Variants in RBMS2 observed in about 807,000 individuals in gnomAD.
RBMS2 encodes the protein RNA binding motif single stranded interacting protein 2, also known as RNA-binding motif, single-stranded-interacting protein 2.
Under a neutral mutation model 58.4 loss-of-function variants are expected in RBMS2, and 38 were observed. The observed-to-expected ratio is 0.65, with a 90% CI of 0.50 to 0.85. RBMS2 has a LOEUF of 0.85. Ranked by LOEUF, RBMS2 falls within the 40% of genes least tolerant of loss-of-function variation. RBMS2 has a pLI of 0.00. For missense variants in RBMS2, 367 were observed against 503.7 expected (o/e 0.73, Z 2.60); for synonymous variants, 151 against 180.7 (o/e 0.84, Z 1.32).
In RBMS2 at chr12:56,593,159, G is replaced by T. The variant is rs1349292082; in HGVS notation, c.*4026G>T. The T allele has an allele frequency of 6.6e-6, 1 of 150,948 alleles. No homozygotes were observed. The highest frequency in any genetic ancestry group is 1.5e-5 in the Non-Finnish European group (1 of 67,934). 9.4% of individuals were successfully genotyped at this position (150,948 alleles called of 1,614,324 possible). On this transcript the variant is annotated 3_prime_UTR_variant, in exon 14 of 14. Coordinates refer to ENST00000262031, the MANE Select transcript of RBMS2 (RefSeq NM_002898.4). ...TTTGGTTTTGTTGTTTTGTTTTTTT[G>T]AGACAGGGTCTCACTCTGTGGCCCA...
At chr12:56,580,250 T>TA (rs1883747037) in intron 5 of RBMS2, 1 of 386,582 alleles carries the variant, frequency 2.6e-6, no homozygotes, top group Non-Finnish European at 5.0e-6. Context: ...TTTTTTTTTT[T>TA]AACACAGATT....
intron 5 of RBMS2, among the ~76,000 whole-genome samples, chr12:56,579,462 C>T (rs1400202462): frequency 6.6e-6 from 1 of 151,978 alleles, no homozygotes; most frequent in African/African-American, 2.4e-5. Context: ...AACCCCGTCT[C>T]TACTAAAAAT....
At chr12:56,529,808 G>A (rs1044064258) in intron 1 of RBMS2, among the ~76,000 whole-genome samples, 2 of 152,156 alleles carry the variant, frequency 1.3e-5, no homozygotes, top group African/African-American at 4.8e-5. Flanking sequence ...TGGAGAAATA[G>A]GGAGTGACTG....
At chr12:56,569,158 C>A in intron 3 of RBMS2, 125 bp downstream of exon 3, 1 of 828,624 alleles carries the variant, frequency 1.2e-6, no homozygotes, top group Non-Finnish European at 1.9e-6. Context: ...AGTTTTTAGG[C>A]TTAAAAGATT....
In RBMS2 at chr12:56,595,321, G is replaced by A. The variant is rs902183038; in HGVS notation, c.*6188G>A. On this transcript the variant is annotated 3_prime_UTR_variant, in exon 14 of 14. Transcript: ENST00000262031. The stretch of plus-strand genomic sequence containing the variant: ...GGAGGGTAATACATATCCAGCGCGA[G>A]TGAAGTCCCCACTCCAACATATACC... 4.6e-5 allele frequency: 7 copies of A among 152,168 alleles called. No individual in the cohort carries two copies. The highest frequency in any genetic ancestry group is 1.7e-4 in the African/African-American group (7 of 41,432). 9.4% of individuals were successfully genotyped at this position (152,168 alleles called of 1,614,324 possible).
At chr12:56,571,944 A>G (rs1882360617) in intron 5 of RBMS2, 89 bp downstream of exon 5, 2 of 1,252,064 alleles carry the variant, frequency 1.6e-6, no homozygotes, top group Admixed American at 3.6e-5. Context: ...CCTTTCCCAC[A>G]CAAGGTCAAA....
intron 9 of RBMS2, among the ~76,000 whole-genome samples, chr12:56,584,480 T>C (rs1176099643): frequency 6.6e-6 from 1 of 151,972 alleles, no homozygotes; most frequent in African/African-American, 2.4e-5. Context: ...AAATTTGTCT[T>C]TTTCTTTTAT....
chr12:56,550,558 A>G (rs1878063501), intron 1 of RBMS2, among the ~76,000 whole-genome samples: 2 of 151,678 alleles, frequency 1.3e-5, no homozygotes, highest in South Asian at 4.2e-4. Context: ...AAACAAAAAA[A>G]GGCCAGGCAT....
At chr12:56,563,232 C>T (rs59950664) in intron 2 of RBMS2, among the ~76,000 whole-genome samples, 4,619 of 152,248 alleles carry the variant, frequency 0.03, 244 homozygotes, top group African/African-American at 0.1. Flanking sequence ...AGCCTAATAT[C>T]CAACTTTATT....
chr12:56,587,494 C>T (rs1036112556), intron 10 of RBMS2, 60 bp from the exon 11 acceptor site: 2 of 1,559,342 alleles, frequency 1.3e-6, no homozygotes, highest in African/African-American at 2.7e-5. Flanking sequence ...CCACCGATCA[C>T]TGCTTTAGGC....
intron 9 of RBMS2, among the ~76,000 whole-genome samples, chr12:56,584,857 C>G (rs1029590807): frequency 7.3e-6 from 1 of 136,226 alleles, no homozygotes; most frequent in African/African-American, 2.8e-5. Flanking sequence ...GAGTTTCGCT[C>G]TTGTTGCCCA....
intron 1 of RBMS2, among the ~76,000 whole-genome samples, chr12:56,534,680 C>T (rs576409539): frequency 1.3e-5 from 2 of 152,258 alleles, no homozygotes; most frequent in South Asian, 2.1e-4. Flanking sequence ...CTCGCTCTGT[C>T]GCCCAGGCTG....
chr12:56,580,862 AT>A, intron 5 of RBMS2, among the ~76,000 whole-genome samples: 1 of 152,248 alleles, frequency 6.6e-6, no homozygotes. Flanking sequence ...GAATTTTCTA[AT>A]AAAAAATAAT....
rs1885543653 is a variant in RBMS2, at chr12:56,594,338, T to C, written c.*5205T>C. The C allele has an allele frequency of 6.6e-6, 1 of 152,194 alleles. No homozygotes were observed. The highest frequency in any genetic ancestry group is 1.5e-5 in the Non-Finnish European group (1 of 68,038). 9.4% of individuals were successfully genotyped at this position (152,194 alleles called of 1,614,324 possible). A position where few individuals can be genotyped will look rare whatever the true frequency, so the allele number is the denominator to read the frequency against. The stretch of plus-strand genomic sequence containing the variant: ...TGCGCTCATGAGGGGCTTTGCATTC[T>C]TAGCCAAGGGCAATAAACTGGGTGG... On this transcript the variant is annotated 3_prime_UTR_variant, in exon 14 of 14. Coordinates refer to ENST00000262031, the MANE Select transcript of RBMS2 (RefSeq NM_002898.4).
intron 1 of RBMS2, among the ~76,000 whole-genome samples, chr12:56,528,248 TC>T (rs1873046634): frequency 1.4e-5 from 1 of 73,106 alleles, no homozygotes. Flanking sequence ...AGACCATGTA[TC>T]AAAAAAAAAA....
intron 1 of RBMS2, among the ~76,000 whole-genome samples, chr12:56,540,014 A>G (rs940542105): frequency 2.6e-5 from 4 of 152,094 alleles, no homozygotes. Context: ...AGTCTTTCAT[A>G]CTTAAATGTC....
rs370696784 is a variant in RBMS2 at position 56,571,771 on chromosome 12, G to C, written c.458G>C (p.Gly153Ala). The change falls in exon 5 of 14, where the codon GGG becomes GCG. Residue 153 changes from glycine to alanine, a missense_variant. Coordinates refer to ENST00000262031, the MANE Select transcript of RBMS2 (RefSeq NM_002898.4). ...TCAATGGATGAGCAGGAACTGGAGG[G>C]GATGCTGAAGCCCTTTGGCCAGGTT... ...PLSMDEQELE[G>A]MLKPFGQVIS... is the part of the protein sequence containing the mutation. The C allele has an allele frequency of 6.2e-6, 10 of 1,603,362 alleles. No homozygotes were observed. Among genetic ancestry groups the C allele is most frequent in the Non-Finnish European group, 7.7e-6 (9 of 1,173,750 alleles).
At chr12:56,560,429 TG>T (rs1346828845) in intron 1 of RBMS2, among the ~76,000 whole-genome samples, 1 of 151,900 alleles carries the variant, frequency 6.6e-6, no homozygotes, top group Non-Finnish European at 1.5e-5. Flanking sequence ...GCTAATTTTT[TG>T]TATTTTAATA....
At chr12:56,521,500 C>CTTTTTTTTTTTTT (rs1871713749), upstream of RBMS2, among the ~76,000 whole-genome samples, 3 of 92,468 alleles carry the variant, frequency 3.2e-5, no homozygotes, top group South Asian at 3.5e-4. Flanking sequence ...CACTCTAACT[C>CTTTTTTTTTTTTT]TGTTTTTTTT....
Sources: gnomAD v4.1 joint callset for allele counts (sites outside exome capture counted in the v4.1 genomes callset) on GRCh38, gnomAD v4.1.1 for gene constraint, MANE v1.5 for transcripts, NCBI Gene and HGNC (gene_info 2026-07-23, HGNC 2026-07-21) for gene names.